SGCZ: variants seen among roughly 807,000 people sequenced by gnomAD.
The protein encoded by SGCZ is zeta-sarcoglycan.
Under a neutral mutation model 41.3 loss-of-function variants are expected in SGCZ, and 40 were observed. That is an observed-to-expected ratio of 0.97 (90% CI 0.75 to 1.26). The LOEUF is 1.26. SGCZ is among the 50% of genes most tolerant of loss of function. The pLI is 0.00. For missense variants in SGCZ, 552 were observed against 369.8 expected (o/e 1.49, Z -4.04); for synonymous variants, 206 against 137.5 (o/e 1.50, Z -3.49).
chr8:14,696,360 A>G (rs1808963010), intron 1 of SGCZ, among the ~76,000 whole-genome samples: 1 of 152,090 alleles, frequency 6.6e-6, no homozygotes, highest in African/African-American at 2.4e-5. Flanking sequence ...ACTGAGTGAG[A>G]CTGGGAATTG....
chr8:15,168,641 G>T, intron 1 of SGCZ, among the ~76,000 whole-genome samples: 1 of 139,522 alleles, frequency 7.2e-6, no homozygotes, highest in African/African-American at 2.9e-5. Context: ...AGGGACACCT[G>T]TTCCCCTCTT....
intron 4 of SGCZ, among the ~76,000 whole-genome samples, chr8:14,180,470 A>G (rs1434822842): frequency 6.6e-6 from 1 of 152,118 alleles, no homozygotes; most frequent in Non-Finnish European, 1.5e-5. Context: ...GTCTAGAAAG[A>G]ACGTATCCAA....
chr8:14,986,395 T>C (rs1157868814), intron 1 of SGCZ, among the ~76,000 whole-genome samples: 2 of 152,048 alleles, frequency 1.3e-5, no homozygotes, highest in African/African-American at 4.8e-5. Context: ...GGAAGGCAAT[T>C]TGACTGATAC....
chr8:14,819,114 A>T (rs750456401), intron 1 of SGCZ, among the ~76,000 whole-genome samples: 1 of 147,264 alleles, frequency 6.8e-6, no homozygotes, highest in Non-Finnish European at 1.5e-5. Flanking sequence ...AACTCTCAAA[A>T]GTAAAAGACA....
intron 1 of SGCZ, among the ~76,000 whole-genome samples, chr8:15,061,707 G>C (rs1274951342): frequency 6.6e-6 from 1 of 152,008 alleles, no homozygotes; most frequent in Non-Finnish European, 1.5e-5. Context: ...CAGAGGAAGA[G>C]GACCCTCATA....
intron 1 of SGCZ, among the ~76,000 whole-genome samples, chr8:14,799,929 G>C: frequency 6.6e-6 from 1 of 152,194 alleles, no homozygotes; most frequent in Non-Finnish European, 1.5e-5. Context: ...GCCTTTCGTT[G>C]ATAAGTATTA....
chr8:15,071,382 A>G (rs1009780416), intron 1 of SGCZ, among the ~76,000 whole-genome samples: 3 of 152,194 alleles, frequency 2.0e-5, no homozygotes, highest in African/African-American at 7.2e-5. Flanking sequence ...ATAAGAAAGG[A>G]GCAAGACTGG....
intron 1 of SGCZ, among the ~76,000 whole-genome samples, chr8:15,080,804 G>A (rs561704990): frequency 1.3e-5 from 2 of 152,152 alleles, no homozygotes; most frequent in South Asian, 2.1e-4. Flanking sequence ...ATGTTGGCCA[G>A]GCTGGTCTCG....
chr8:14,415,738 G>T (rs1381416), intron 2 of SGCZ, among the ~76,000 whole-genome samples: 103,534 of 151,718 alleles, frequency 0.68, 35,439 homozygotes, highest in East Asian at 0.83. Context: ...TATCTTGAAA[G>T]TTCAAAAGAC....
At chr8:15,133,802 A>G (rs573373211) in intron 1 of SGCZ, among the ~76,000 whole-genome samples, 209 of 152,340 alleles carry the variant, frequency 1.4e-3, no homozygotes, top group African/African-American at 4.8e-3. Flanking sequence ...CTCTGAGCAG[A>G]AAATGAGCCT....
chr8:14,501,108 G>A (rs73190240), intron 2 of SGCZ, among the ~76,000 whole-genome samples: 21,607 of 151,922 alleles, frequency 0.14, 1,908 homozygotes, highest in Admixed American at 0.19. Context: ...GGGGAGAATA[G>A]GTGACCTTGC....
At chr8:14,370,959 G>C (rs1001787101) in intron 2 of SGCZ, among the ~76,000 whole-genome samples, 1 of 151,910 alleles carries the variant, frequency 6.6e-6, no homozygotes, top group Non-Finnish European at 1.5e-5. Context: ...GCCACCTGCA[G>C]TCACGAATAT....
chr8:15,070,634 C>A (rs537457754), intron 1 of SGCZ, among the ~76,000 whole-genome samples: 1 of 152,202 alleles, frequency 6.6e-6, no homozygotes, highest in South Asian at 2.1e-4. Context: ...AAATTTATTG[C>A]AAATGGATTT....
chr8:14,273,079 T>A (rs1246914869), intron 3 of SGCZ, among the ~76,000 whole-genome samples: 2 of 152,002 alleles, frequency 1.3e-5, no homozygotes, highest in East Asian at 3.9e-4. Flanking sequence ...ATTTCTTAAT[T>A]TTTCTGGTGA....
At position 14,449,385 on chromosome 8, in the gene SGCZ, T is replaced by C. The variant is rs538267577; in HGVS notation, c.234+105347A>G. ...CCATGGCTGTGGCACATGACTTTTC[T>C]AGACCTGGATCATTTGTGTCCCAAT... is the stretch of plus-strand genomic sequence containing the variant. On this transcript the variant is annotated intron_variant, in intron 2 of 7. Coordinates refer to ENST00000382080, the MANE Select transcript of SGCZ (RefSeq NM_139167.4). 2.0e-5 allele frequency among the ~76,000 whole-genome samples: 3 copies of C among 152,320 alleles called. 1 individual carries two copies. The highest frequency in any genetic ancestry group is 1.9e-4 in the East Asian group (1 of 5,180).
intron 1 of SGCZ, among the ~76,000 whole-genome samples, chr8:14,579,012 A>G (rs951237925): frequency 2.0e-5 from 3 of 152,188 alleles, no homozygotes; most frequent in Non-Finnish European, 2.9e-5. Context: ...GCAGAATTTA[A>G]TGATCTTTGC....
chr8:14,433,552 C>A (rs1800005115), intron 2 of SGCZ, among the ~76,000 whole-genome samples: 1 of 152,006 alleles, frequency 6.6e-6, no homozygotes, highest in Non-Finnish European at 1.5e-5. Flanking sequence ...ATGAGTTGAC[C>A]AAGGCCCCAA....
At chr8:14,876,585 A>G (rs1204793736) in intron 1 of SGCZ, among the ~76,000 whole-genome samples, 6 of 152,198 alleles carry the variant, frequency 3.9e-5, no homozygotes, top group African/African-American at 1.4e-4. Flanking sequence ...TTGATGGTGT[A>G]TGAAATATCT....
intron 2 of SGCZ, among the ~76,000 whole-genome samples, chr8:14,514,880 T>C (rs1802575611): frequency 6.7e-6 from 1 of 149,082 alleles, no homozygotes; most frequent in African/African-American, 2.5e-5. Context: ...ATTACGAAAA[T>C]ATTACTTTAT....
Sources: allele counts gnomAD v4.1 joint callset (sites outside exome capture counted in the v4.1 genomes callset), GRCh38; gene constraint gnomAD v4.1.1; transcripts MANE v1.5; gene names NCBI Gene and HGNC (gene_info 2026-07-23, HGNC 2026-07-21).